COG5: variants seen among roughly 807,000 people sequenced by gnomAD.
COG5 encodes conserved oligomeric Golgi complex subunit 5.
A neutral mutation model predicts 110.4 loss-of-function variants in COG5; 86 were observed. That is an observed-to-expected ratio of 0.78 (90% confidence interval 0.65 to 0.93). COG5 has a LOEUF of 0.93. Ranked by LOEUF, COG5 falls within the 40% of genes least tolerant of loss-of-function variation. COG5 has a pLI of 0.00. For missense variants in COG5, 1,077 were observed against 987.0 expected (o/e 1.09, Z -1.22); for synonymous variants, 360 against 334.6 (o/e 1.08, Z -0.83).
chr7:107,437,256 T>C (rs1486837379), intron 6 of COG5, among the ~76,000 whole-genome samples: 1 of 152,184 alleles, frequency 6.6e-6, no homozygotes, highest in African/African-American at 2.4e-5. Context: ...CCAAGTGCCC[T>C]TTCCTCTGCC....
intron 6 of COG5, among the ~76,000 whole-genome samples, chr7:107,441,757 A>G (rs182498110): frequency 1.2e-4 from 19 of 152,304 alleles, no homozygotes; most frequent in African/African-American, 4.3e-4. Context: ...TACTTAGACC[A>G]TATGTGCTAA....
At chr7:107,527,149 ATGG>A (rs1800824650) in intron 6 of COG5, 85 bp downstream of exon 6, 1 of 1,218,890 alleles carries the variant, frequency 8.2e-7, no homozygotes, top group African/African-American at 1.5e-5. Flanking sequence ...GTACTTGCTA[ATGG>A]TGATAACAAA....
At chr7:107,238,895 C>T (rs977261824) in intron 17 of COG5, among the ~76,000 whole-genome samples, 4 of 152,014 alleles carry the variant, frequency 2.6e-5, no homozygotes, top group Admixed American at 6.6e-5. Flanking sequence ...CGTTAATCCC[C>T]GTATCAGATG....
intron 6 of COG5, among the ~76,000 whole-genome samples, chr7:107,502,991 T>G (rs975908031): frequency 2.0e-5 from 3 of 152,148 alleles, no homozygotes; most frequent in Non-Finnish European, 2.9e-5. Flanking sequence ...TTATTTCTTT[T>G]GCTGTAGAGA....
chr7:107,369,728 T>C (rs994059536), intron 8 of COG5, among the ~76,000 whole-genome samples: 10 of 152,316 alleles, frequency 6.6e-5, no homozygotes, highest in African/African-American at 2.4e-4. Flanking sequence ...AGATTTTCCT[T>C]GCAGTATATT....
chr7:107,392,244 A>G (rs970507122), intron 7 of COG5, among the ~76,000 whole-genome samples: 50 of 152,188 alleles, frequency 3.3e-4, no homozygotes, highest in African/African-American at 1.2e-3. Context: ...TTTACTAATG[A>G]TGAAAATTAT....
chr7:107,384,610 C>T (rs905366431), intron 7 of COG5, among the ~76,000 whole-genome samples: 4 of 152,240 alleles, frequency 2.6e-5, no homozygotes, highest in African/African-American at 7.2e-5. Context: ...AGGACCCCAT[C>T]GTTAGCTGAA....
chr7:107,507,403 C>G (rs1302368648), intron 6 of COG5, among the ~76,000 whole-genome samples: 1 of 150,770 alleles, frequency 6.6e-6, no homozygotes, highest in Non-Finnish European at 1.5e-5. Context: ...ACACCATTCT[C>G]CTGCCTCAGC....
intron 11 of COG5, among the ~76,000 whole-genome samples, chr7:107,311,640 G>T (rs965776434): frequency 6.6e-6 from 1 of 151,348 alleles, no homozygotes; most frequent in Non-Finnish European, 1.5e-5. Context: ...TGATCCACCT[G>T]CCTCGGCCTC....
intron 10 of COG5, among the ~76,000 whole-genome samples, chr7:107,360,162 A>G (rs1812985843): frequency 6.6e-6 from 1 of 151,412 alleles, no homozygotes; most frequent in South Asian, 2.1e-4. Flanking sequence ...GATCTCCTCT[A>G]CACTGAGGGC....
rs1805153396 is a variant in COG5, at chr7:107,281,395, G to A, written c.1480C>T (p.Leu494=). 1.2e-6 allele frequency: 2 copies of A among 1,609,966 alleles called. No individual in the cohort carries two copies. The highest frequency in any genetic ancestry group is 1.1e-5 in the South Asian group (1 of 90,986). The change falls in exon 14 of 22, where the codon CTA becomes TTA. Residue 494 remains leucine, a synonymous_variant. Coordinates refer to ENST00000297135, the MANE Select transcript of COG5 (RefSeq NM_006348.5). Reference sequence around the variant, plus strand: ...TTTGTATCAACAGCAGCAACATTTAGTTCACTGGAGAAAATGAAAACAGTT... The same window carrying A: ...TTTGTATCAACAGCAGCAACATTTAATTCACTGGAGAAAATGAAAACAGTT... ...DGIIKTIASE[L]NVAAVDTNLT...
chr7:107,490,294 A>G (rs1249697975), intron 6 of COG5, among the ~76,000 whole-genome samples: 1 of 152,134 alleles, frequency 6.6e-6, no homozygotes, highest in Non-Finnish European at 1.5e-5. Context: ...CCTCCCAAGT[A>G]GCTGGGATTA....
At chr7:107,409,857 G>A (rs915401758) in intron 7 of COG5, among the ~76,000 whole-genome samples, 5 of 152,178 alleles carry the variant, frequency 3.3e-5, no homozygotes, top group African/African-American at 9.6e-5. Context: ...ATGACAATGA[G>A]AGAGAAGAGA....
chr7:107,412,649 C>G lies in COG5; in HGVS notation c.539-17G>C. ...AAAGATAATCTGTTTAAAACAAAAA[C>G]ATACACATTCAAATATTTCAATACT... is the stretch of plus-strand genomic sequence containing the variant. On this transcript the variant is annotated splice_polypyrimidine_tract_variant and intron_variant, in intron 6 of 21. Transcript: ENST00000297135. 1 of 1,379,950 alleles carries G rather than the reference C, an allele frequency of 7.2e-7. No homozygotes were observed. Among genetic ancestry groups the G allele is most frequent in the Non-Finnish European group, 1.0e-6 (1 of 977,892 alleles). 85.5% of individuals were successfully genotyped at this position (1,379,950 alleles called of 1,614,324 possible).
intron 1 of COG5, among the ~76,000 whole-genome samples, chr7:107,562,951 T>C (rs1185099020): frequency 6.6e-6 from 1 of 152,102 alleles, no homozygotes; most frequent in Non-Finnish European, 1.5e-5. Flanking sequence ...AAGTTTGCAA[T>C]ACAGAAGAGA....
At chr7:107,484,558 A>G (rs760938150) in intron 6 of COG5, among the ~76,000 whole-genome samples, 49 of 152,214 alleles carry the variant, frequency 3.2e-4, no homozygotes, top group Admixed American at 2.2e-3. Context: ...CCATGTCTCT[A>G]TGGGTCTTCT....
At chr7:107,210,634 G>A (rs375340182) in intron 20 of COG5, 29 bp from the exon 21 acceptor site, 2 of 1,572,290 alleles carry the variant, frequency 1.3e-6, no homozygotes, top group Non-Finnish European at 1.7e-6. Flanking sequence ...ATTAGAGAGA[G>A]TGCATACGCA....
intron 6 of COG5, among the ~76,000 whole-genome samples, chr7:107,502,955 TG>T (rs1798728224): frequency 6.6e-6 from 1 of 152,130 alleles, no homozygotes. Context: ...TCTCCCGTTC[TG>T]TGGGTTGTCT....
intron 11 of COG5, among the ~76,000 whole-genome samples, chr7:107,311,980 T>G (rs1040144153): frequency 2.0e-5 from 3 of 152,176 alleles, no homozygotes; most frequent in Non-Finnish European, 4.4e-5. Context: ...TGTAATTGTT[T>G]GATCCACTTG....
Sources: allele counts gnomAD v4.1 joint callset (sites outside exome capture counted in the v4.1 genomes callset), GRCh38; gene constraint gnomAD v4.1.1; transcripts MANE v1.5; gene names NCBI Gene and HGNC (gene_info 2026-07-23, HGNC 2026-07-21).